WASL: variants seen among roughly 807,000 people sequenced by gnomAD.
WASL encodes actin nucleation-promoting factor WASL.
Under a neutral mutation model 55.5 loss-of-function variants are expected in WASL, and 20 were observed. The ratio of observed to expected loss-of-function variants is 0.36; its 90% confidence interval spans 0.25 to 0.52. The LOEUF is 0.52. WASL is among the 20% of genes least tolerant of loss of function. The probability of loss-of-function intolerance (pLI) is 0.92; values close to 1 mark genes in which losing one functional copy is unlikely to be tolerated. For synonymous variants in WASL, 249 were observed against 217.6 expected (o/e 1.14, Z -1.27); for missense variants, 504 against 622.5 (o/e 0.81, Z 2.03).
intron 1 of WASL, 30 bp from the exon 2 acceptor site, chr7:123,709,253 G>A: frequency 6.3e-7 from 1 of 1,584,478 alleles, no homozygotes; most frequent in Non-Finnish European, 8.6e-7. Context: ...TAACCATTAG[G>A]TTCAAAATAA....
chr7:123,727,392 C>T (rs899387524), intron 1 of WASL, among the ~76,000 whole-genome samples: 1 of 149,258 alleles, frequency 6.7e-6, no homozygotes, highest in Non-Finnish European at 1.5e-5. Context: ...CAAACTTATA[C>T]AAGAACACAG....
chr7:123,725,614 C>G (rs532090567), intron 1 of WASL, among the ~76,000 whole-genome samples: 1 of 151,914 alleles, frequency 6.6e-6, no homozygotes, highest in African/African-American at 2.4e-5. Flanking sequence ...AGGCAGAGTG[C>G]TAAGAACTTT....
chr7:123,685,905 T>C lies in WASL; in HGVS notation c.1457-1325A>G, dbSNP rs10215866. Among the ~76,000 whole-genome samples the C allele has an allele frequency of 8.2e-3, 1,222 of 148,244 alleles. 17 individuals carry two copies. Among genetic ancestry groups the C allele is most frequent in the African/African-American group, 0.028 (1,159 of 40,880 alleles). On this transcript the variant is annotated intron_variant, in intron 10 of 10. Transcript: ENST00000223023. Reference sequence around the variant, plus strand: ...ATATAAATATGTATATAAATATATATATAGGACCCATGAAGGCCAAGTATA... The same window carrying C: ...ATATAAATATGTATATAAATATATACATAGGACCCATGAAGGCCAAGTATA...
In WASL at chr7:123,706,281, T is replaced by G; in HGVS notation, c.432A>C (p.Lys144Asn). 6.2e-7 allele frequency: 1 copy of G among 1,613,386 alleles called. No individual in the cohort carries two copies. Among genetic ancestry groups the G allele is most frequent in the Non-Finnish European group, 8.5e-7 (1 of 1,179,678 alleles). The change falls in exon 4 of 11, where the codon AAA (lysine) becomes AAC (asparagine). Residue 144 changes from lysine to asparagine, a missense_variant. Coordinates refer to ENST00000223023, the MANE Select transcript of WASL (RefSeq NM_003941.4). ...VTDLLGRRQR[K>N]SEKRRDPPNG... ...AAGTAATTAAAAAAGGGTTACCAGA[T>G]TTCCTTTGTCGACGGCCCAAAAGGT...
Position 123,692,719 on chromosome 7 carries a change from C to T in WASL, c.975G>A (p.Pro325=), listed in dbSNP as rs1241670026. Residue 325 remains proline (P), a synonymous_variant, in exon 9 of 11, where the codon CCG becomes CCA. Coordinates refer to ENST00000223023, the MANE Select transcript of WASL (RefSeq NM_003941.4). ...SRAPTAAPPP[P]PPSRPSVAVP... is the part of the protein sequence containing the mutation. ...CTGCTACACTTGGCCTGGAAGGAGG[C>T]GGTGGTGGAGGTGCAGCTGTGGGAG... 2.6e-6 allele frequency: 4 copies of T among 1,510,958 alleles called. No homozygotes were observed. The highest frequency in any genetic ancestry group is 1.8e-6 in the Non-Finnish European group (2 of 1,131,946). The allele number at this position is 1,510,958 out of a possible 1,614,324, so 93.6% of individuals were successfully genotyped here.
intron 1 of WASL, among the ~76,000 whole-genome samples, chr7:123,713,250 G>A (rs1803787373): frequency 6.6e-6 from 1 of 152,124 alleles, no homozygotes; most frequent in Non-Finnish European, 1.5e-5. Context: ...CTAGGTTCAA[G>A]TGATCCTCCT....
At chr7:123,691,189 T>C (rs1176569871) in intron 9 of WASL, among the ~76,000 whole-genome samples, 2 of 152,220 alleles carry the variant, frequency 1.3e-5, no homozygotes, top group Non-Finnish European at 2.9e-5. Context: ...ATTCCTATAC[T>C]GGGAAATAAT....
intron 1 of WASL, among the ~76,000 whole-genome samples, chr7:123,710,588 T>C (rs1377507123): frequency 6.6e-6 from 1 of 152,146 alleles, no homozygotes; most frequent in African/African-American, 2.4e-5. Context: ...CAAAAGTCCA[T>C]AAAGACTTGC....
At chr7:123,698,021 G>C (rs141849435) in intron 5 of WASL, among the ~76,000 whole-genome samples, 1 of 150,176 alleles carries the variant, frequency 6.7e-6, no homozygotes, top group Non-Finnish European at 1.5e-5. Context: ...CAACCTCTGT[G>C]TTCTCCACTG....
chr7:123,714,753 T>C (rs7803287), intron 1 of WASL, among the ~76,000 whole-genome samples: 65,889 of 152,002 alleles, frequency 0.43, 14,825 homozygotes, highest in South Asian at 0.66. Flanking sequence ...AAAGGGGAGA[T>C]TGGCATTAAT....
rs1803253420 is a variant in WASL, at chr7:123,684,400, C to A, written c.*119G>T. On this transcript the variant is annotated 3_prime_UTR_variant, in exon 11 of 11. Coordinates refer to ENST00000223023, the MANE Select transcript of WASL (RefSeq NM_003941.4). ...ACAGATTAAAAAAAAGCAAAAAAGG[C>A]AACAAAAATATACAGCAAATTGGTA... is the stretch of plus-strand genomic sequence containing the variant. The A allele has an allele frequency of 2.6e-6, 1 of 387,344 alleles. No homozygotes were observed. The highest frequency in any genetic ancestry group is 4.7e-6 in the Non-Finnish European group (1 of 212,084). 24.0% of individuals were successfully genotyped at this position (387,344 alleles called of 1,614,324 possible). A position where few individuals can be genotyped will look rare whatever the true frequency, so the allele number is the denominator to read the frequency against.
At chr7:123,700,374 G>C (rs1054056541) in intron 5 of WASL, among the ~76,000 whole-genome samples, 4 of 151,788 alleles carry the variant, frequency 2.6e-5, no homozygotes, top group Admixed American at 6.6e-5. Flanking sequence ...CATATGATTA[G>C]TGACAGAAGC....
At chr7:123,703,890 AG>A (rs1320321275) in intron 5 of WASL, among the ~76,000 whole-genome samples, 1 of 152,176 alleles carries the variant, frequency 6.6e-6, no homozygotes, top group African/African-American at 2.4e-5. Flanking sequence ...TCATAGAGTC[AG>A]GAACCTCATT....
chr7:123,709,985 C>T (rs1456688627), intron 1 of WASL, among the ~76,000 whole-genome samples: 11 of 152,134 alleles, frequency 7.2e-5, no homozygotes, highest in Admixed American at 5.9e-4. Flanking sequence ...GAAGCTAACT[C>T]GTTACATGCA....
At chr7:123,703,582 T>C (rs536932095) in intron 5 of WASL, among the ~76,000 whole-genome samples, 99 of 152,246 alleles carry the variant, frequency 6.5e-4, no homozygotes, top group African/African-American at 2.2e-3. Context: ...CTACTGAAGG[T>C]AGTCAGGCAT....
intron 1 of WASL, among the ~76,000 whole-genome samples, chr7:123,712,736 T>C (rs948079980): frequency 2.0e-5 from 3 of 152,190 alleles, no homozygotes; most frequent in African/African-American, 4.8e-5. Context: ...TACCTCTATA[T>C]ATGTTAGCCA....
chr7:123,684,491 AAAT>A lies in WASL; in HGVS notation c.*25_*27del. On this transcript the variant is annotated 3_prime_UTR_variant, in exon 11 of 11. Transcript: ENST00000223023. ...AGTAGTGTTTAGTATTTCACCTTAA[AAAT>A]ATATATATATATATAATATATAGAT... is the stretch of plus-strand genomic sequence containing the variant. 1 of 552,476 alleles carries A rather than the reference AAAT, an allele frequency of 1.8e-6. No individual in the cohort carries two copies. The allele number at this position is 552,476 out of a possible 1,614,324, so 34.2% of individuals were successfully genotyped here. A position where few individuals can be genotyped will look rare whatever the true frequency, so the allele number is the denominator to read the frequency against.
chr7:123,721,247 A>C (rs1320758415), intron 1 of WASL, among the ~76,000 whole-genome samples: 2 of 152,242 alleles, frequency 1.3e-5, no homozygotes, highest in Admixed American at 1.3e-4. Flanking sequence ...TCAATGATCT[A>C]ATAAGCATTT....
intron 1 of WASL, among the ~76,000 whole-genome samples, chr7:123,721,502 T>C (rs1337436446): frequency 6.6e-6 from 1 of 152,102 alleles, no homozygotes; most frequent in African/African-American, 2.4e-5. Flanking sequence ...TCATGTACAT[T>C]ACACACAAGA....
Sources: allele counts gnomAD v4.1 joint callset (sites outside exome capture counted in the v4.1 genomes callset), GRCh38; gene constraint gnomAD v4.1.1; transcripts MANE v1.5; gene names NCBI Gene and HGNC (gene_info 2026-07-23, HGNC 2026-07-21).